Variants in STPG2 observed in about 807,000 individuals in gnomAD.
STPG2 encodes the protein sperm tail PG-rich repeat containing 2.
A neutral mutation model predicts 54.2 loss-of-function variants in STPG2; 56 were observed. The observed-to-expected ratio is 1.03, with a 90% CI of 0.83 to 1.29. STPG2 has a LOEUF of 1.29. STPG2 is among the 50% of genes most tolerant of loss of function. The pLI, the probability that STPG2 is intolerant of heterozygous loss-of-function variation, is 0.00. For synonymous variants in STPG2, 200 were observed against 181.8 expected (o/e 1.10, Z -0.81); for missense variants, 596 against 544.9 (o/e 1.09, Z -0.93).
chr4:97,630,811 A>C (rs998750687), intron 10 of STPG2, among the ~76,000 whole-genome samples: 2 of 151,838 alleles, frequency 1.3e-5, no homozygotes, highest in Admixed American at 6.6e-5. Context: ...AAATCATTTA[A>C]AATACAACAA....
intron 10 of STPG2, among the ~76,000 whole-genome samples, chr4:97,691,407 TC>T (rs1723359624): frequency 6.6e-6 from 1 of 151,956 alleles, no homozygotes. Context: ...CTGTTGGCTT[TC>T]CCCCACTTCC....
intron 3 of STPG2, among the ~76,000 whole-genome samples, chr4:98,117,134 C>G (rs1217153851): frequency 6.6e-6 from 1 of 151,980 alleles, no homozygotes; most frequent in Admixed American, 6.6e-5. Context: ...GTGCCAGCAA[C>G]AAATTCTGTC....
intron 10 of STPG2, among the ~76,000 whole-genome samples, chr4:97,612,148 A>T (rs1262160107): frequency 6.6e-6 from 1 of 151,792 alleles, no homozygotes; most frequent in Non-Finnish European, 1.5e-5. Context: ...CAAAAAAAAT[A>T]AAATTGGTTA....
At chr4:97,666,694 C>A (rs17026853) in intron 10 of STPG2, among the ~76,000 whole-genome samples, 2 of 152,124 alleles carry the variant, frequency 1.3e-5, no homozygotes, top group Non-Finnish European at 2.9e-5. Context: ...TACTAGAGGG[C>A]AGGTATCATG....
chr4:97,912,888 T>G lies in STPG2; in HGVS notation c.1044+31009A>C, dbSNP rs572867340. Reference sequence around the variant, plus strand: ...AAATAAGTGACAAATAATTTTGACCTACCATAAAATGGAGACATCTAATTG... The same window carrying G: ...AAATAAGTGACAAATAATTTTGACCGACCATAAAATGGAGACATCTAATTG... On this transcript the variant is annotated intron_variant, in intron 8 of 10. Coordinates refer to ENST00000295268, the MANE Select transcript of STPG2 (RefSeq NM_174952.3). Among the ~76,000 whole-genome samples the G allele has an allele frequency of 3.9e-5, 6 of 152,298 alleles. No homozygotes were observed. In the East Asian group the frequency reaches 1.2e-3, roughly 29 times the overall value.
intron 5 of STPG2, among the ~76,000 whole-genome samples, chr4:98,085,377 C>G (rs774768772): frequency 4.6e-5 from 7 of 152,026 alleles, no homozygotes; most frequent in Non-Finnish European, 1.0e-4. Context: ...AATCTGCCAC[C>G]TTTCCATCTA....
At chr4:97,608,383 A>AGT (rs1733646643) in intron 10 of STPG2, among the ~76,000 whole-genome samples, 2 of 152,076 alleles carry the variant, frequency 1.3e-5, no homozygotes, top group South Asian at 2.1e-4. Flanking sequence ...AGGAATGAAC[A>AGT]GTGGCACAGG....
chr4:98,076,257 AG>A (rs1293633997), intron 5 of STPG2, among the ~76,000 whole-genome samples: 150 of 148,280 alleles, frequency 1.0e-3, no homozygotes, highest in African/African-American at 3.5e-3. Flanking sequence ...AAAAAAAAAA[AG>A]AAGCAGCAAA....
intron 5 of STPG2, among the ~76,000 whole-genome samples, chr4:98,010,990 A>G (rs1010199671): frequency 6.6e-6 from 1 of 152,168 alleles, no homozygotes; most frequent in Non-Finnish European, 1.5e-5. Context: ...GTTCTGGGAT[A>G]CATGTGCAGA....
At chr4:97,998,122 A>G (rs565407411) in intron 5 of STPG2, among the ~76,000 whole-genome samples, 1 of 152,344 alleles carries the variant, frequency 6.6e-6, no homozygotes, top group South Asian at 2.1e-4. Flanking sequence ...TAGATTGTCT[A>G]CAAAGGTGGT....
intron 9 of STPG2, among the ~76,000 whole-genome samples, chr4:97,830,358 A>C (rs1200834233): frequency 2.0e-5 from 3 of 152,236 alleles, no homozygotes; most frequent in African/African-American, 7.2e-5. Flanking sequence ...CTGCCTTATA[A>C]GAGCTCCTGA....
intron 10 of STPG2, among the ~76,000 whole-genome samples, chr4:97,626,934 T>A (rs910301789): frequency 1.3e-5 from 2 of 152,080 alleles, no homozygotes; most frequent in African/African-American, 4.8e-5. Context: ...TTATTGTCTA[T>A]AGGTTCCTTT....
intron 9 of STPG2, among the ~76,000 whole-genome samples, chr4:97,802,645 A>AC (rs1023217369): frequency 2.6e-5 from 4 of 151,854 alleles, no homozygotes; most frequent in African/African-American, 9.7e-5. Context: ...TAGTTTTTGT[A>AC]TTTTTAGTAG....
intron 5 of STPG2, among the ~76,000 whole-genome samples, chr4:98,037,416 CTAA>C (rs922059397): frequency 3.0e-4 from 46 of 152,132 alleles, no homozygotes; most frequent in African/African-American, 1.0e-3. Context: ...TCAACACACA[CTAA>C]TGAGTATTTT....
intron 10 of STPG2, among the ~76,000 whole-genome samples, chr4:97,610,833 G>A (rs1191190898): frequency 1.3e-5 from 2 of 149,426 alleles, no homozygotes; most frequent in Middle Eastern, 3.5e-3. Flanking sequence ...TAACATGCCA[G>A]TTATAATATA....
At chr4:97,884,800 A>T (rs777210439) in intron 8 of STPG2, among the ~76,000 whole-genome samples, 7 of 152,112 alleles carry the variant, frequency 4.6e-5, no homozygotes, top group Non-Finnish European at 8.8e-5. Context: ...AGTTTTAAAC[A>T]CTTCTAAAAA....
intron 10 of STPG2, among the ~76,000 whole-genome samples, chr4:97,654,391 T>C (rs1190421426): frequency 6.6e-6 from 1 of 152,098 alleles, no homozygotes; most frequent in Non-Finnish European, 1.5e-5. Context: ...TTAGTGGAAA[T>C]ATAATTGGTA....
rs558266584 is a variant in STPG2, at chr4:97,712,219, T to C, written c.1320+480A>G. Reference sequence around the variant, plus strand: ...ACAGTTTCTAAAATCTTTCAGGTTATGATCAGAAGGTCCATAGGTTAAAAG... The same window carrying C: ...ACAGTTTCTAAAATCTTTCAGGTTACGATCAGAAGGTCCATAGGTTAAAAG... On this transcript the variant is annotated intron_variant, in intron 10 of 10. Coordinates refer to ENST00000295268, the MANE Select transcript of STPG2 (RefSeq NM_174952.3). Among the ~76,000 whole-genome samples, 10 of 152,282 alleles carry C rather than the reference T, an allele frequency of 6.6e-5. No individual in the cohort carries two copies. In the East Asian group the frequency reaches 9.7e-4, roughly 15 times the overall value.
rs542696600 is a variant in STPG2, at chr4:97,729,228, C to T, written c.1205-16414G>A. 2.6e-5 allele frequency among the ~76,000 whole-genome samples: 4 copies of T among 151,596 alleles called. No individual in the cohort carries two copies. In the East Asian group the frequency reaches 7.7e-4, roughly 29 times the overall value. ...CATCTATTATCAACTTTTGGAGGAG[C>T]TTTGAGTGACACTGGTAGACTTTAG... On this transcript the variant is annotated intron_variant, in intron 9 of 10. Transcript: ENST00000295268.
Sources: allele counts gnomAD v4.1 joint callset (sites outside exome capture counted in the v4.1 genomes callset), GRCh38; gene constraint gnomAD v4.1.1; transcripts MANE v1.5; gene names NCBI Gene and HGNC (gene_info 2026-07-23, HGNC 2026-07-21).